The following SPAG16 variants were observed in gnomAD, a reference collection of about 807,000 sequenced individuals.
SPAG16 encodes the protein sperm-associated antigen 16 protein.
A neutral mutation model predicts 80.4 loss-of-function variants in SPAG16; 86 were observed. The observed-to-expected ratio is 1.07, with a 90% CI of 0.90 to 1.28. SPAG16 has a LOEUF of 1.28. Ranked by LOEUF, SPAG16 falls within the 50% of genes most tolerant of loss-of-function variation. The probability of loss-of-function intolerance (pLI) is 0.00; values close to 1 mark genes in which losing one functional copy is unlikely to be tolerated. For synonymous variants in SPAG16, 294 were observed against 265.9 expected (o/e 1.11, Z -1.03); for missense variants, 870 against 765.3 (o/e 1.14, Z -1.61).
chr2:214,322,003 G>A (rs918599858), intron 15 of SPAG16, among the ~76,000 whole-genome samples: 1 of 152,096 alleles, frequency 6.6e-6, no homozygotes, highest in South Asian at 2.1e-4. Context: ...TAACTTTTAA[G>A]TTTCAAAAGT....
intron 10 of SPAG16, among the ~76,000 whole-genome samples, chr2:213,714,950 C>T (rs747853213): frequency 1.6e-4 from 24 of 152,272 alleles, no homozygotes; most frequent in Middle Eastern, 3.4e-3. Flanking sequence ...GTTGCTTCTA[C>T]GGCTATAATT....
chr2:213,305,298 C>T (rs2062896052), intron 3 of SPAG16, among the ~76,000 whole-genome samples: 1 of 152,078 alleles, frequency 6.6e-6, no homozygotes, highest in Admixed American at 6.6e-5. Flanking sequence ...ATAGCATTTG[C>T]AAACAAGGAT....
chr2:213,996,859 C>A (rs1326723575), intron 12 of SPAG16, among the ~76,000 whole-genome samples: 1 of 152,112 alleles, frequency 6.6e-6, no homozygotes, highest in African/African-American at 2.4e-5. Flanking sequence ...TGAGCCGCCG[C>A]ACCCGGCCCT....
chr2:213,508,804 T>G (rs1454837010), intron 10 of SPAG16, among the ~76,000 whole-genome samples: 1 of 152,124 alleles, frequency 6.6e-6, no homozygotes, highest in South Asian at 2.1e-4. Flanking sequence ...CATTTGGAGA[T>G]ATACCTAATG....
chr2:213,352,740 T>C (rs2065402462), intron 7 of SPAG16, among the ~76,000 whole-genome samples: 1 of 152,050 alleles, frequency 6.6e-6, no homozygotes. Flanking sequence ...AATCATTTGA[T>C]CTATGAGTTA....
At chr2:213,935,221 A>C (rs981479935) in intron 12 of SPAG16, among the ~76,000 whole-genome samples, 8 of 147,034 alleles carry the variant, frequency 5.4e-5, no homozygotes, top group African/African-American at 1.5e-4. Flanking sequence ...AAAAAAAAAA[A>C]GACACTTCTA....
At chr2:213,375,255 T>G (rs528140123) in intron 9 of SPAG16, 136 bp downstream of exon 9, 1 of 594,848 alleles carries the variant, frequency 1.7e-6, no homozygotes, top group African/African-American at 1.9e-5. Flanking sequence ...GGTTTATACA[T>G]GGACAGTGGA....
rs529816929 is a variant in SPAG16 at position 213,690,071 on chromosome 2, CA to C, written c.1071-172413del. Among the ~76,000 whole-genome samples, 6 of 152,236 alleles carry C rather than the reference CA, an allele frequency of 3.9e-5. No individual in the cohort carries two copies. The East Asian group carries it at 1.2e-3, about 29-fold the overall frequency. ...TTTATTAATTTCTCCTTCAATCCAT[CA>C]CATTAAAAAAATTCTTCGATCACAG... is the stretch of plus-strand genomic sequence containing the variant. On this transcript the variant is annotated intron_variant, in intron 10 of 15. Transcript: ENST00000331683.
chr2:213,650,847 T>G (rs768735374), intron 10 of SPAG16, among the ~76,000 whole-genome samples: 5 of 152,200 alleles, frequency 3.3e-5, no homozygotes, highest in Non-Finnish European at 7.4e-5. Flanking sequence ...TTTGCCTATA[T>G]GTCCCCATCC....
At chr2:214,033,306 T>C (rs1346901817) in intron 13 of SPAG16, among the ~76,000 whole-genome samples, 1 of 152,164 alleles carries the variant, frequency 6.6e-6, no homozygotes, top group African/African-American at 2.4e-5. Context: ...TTTATAGTTT[T>C]GTGGTTGAAA....
chr2:214,008,917 C>T (rs1457755680), intron 12 of SPAG16, among the ~76,000 whole-genome samples: 1 of 152,118 alleles, frequency 6.6e-6, no homozygotes, highest in African/African-American at 2.4e-5. Context: ...TAGAACTCTA[C>T]TTTTGTTTTG....
At chr2:213,711,009 T>C (rs577824651) in intron 10 of SPAG16, among the ~76,000 whole-genome samples, 1 of 152,088 alleles carries the variant, frequency 6.6e-6, no homozygotes, top group African/African-American at 2.4e-5. Flanking sequence ...CGAAAACCTA[T>C]AGCAATTACC....
At chr2:213,883,873 T>C (rs2076449254) in intron 11 of SPAG16, among the ~76,000 whole-genome samples, 1 of 152,228 alleles carries the variant, frequency 6.6e-6, no homozygotes, top group Non-Finnish European at 1.5e-5. Flanking sequence ...TAGATCTTTC[T>C]CTGTCCATTT....
chr2:213,412,900 A>G (rs1210776820), intron 9 of SPAG16, among the ~76,000 whole-genome samples: 1 of 152,192 alleles, frequency 6.6e-6, no homozygotes, highest in Admixed American at 6.5e-5. Flanking sequence ...CTCATCCAAA[A>G]TGGGTTAGAA....
chr2:213,529,802 A>G (rs1289502225), intron 10 of SPAG16, among the ~76,000 whole-genome samples: 5 of 152,236 alleles, frequency 3.3e-5, no homozygotes, highest in Admixed American at 1.3e-4. Context: ...TGGAGCATGC[A>G]AACTGGAAGT....
chr2:213,439,766 A>G (rs1490289845), intron 9 of SPAG16, among the ~76,000 whole-genome samples: 1 of 152,250 alleles, frequency 6.6e-6, no homozygotes, highest in Non-Finnish European at 1.5e-5. Context: ...AAGAAATTGT[A>G]GATAAACTCA....
chr2:214,193,993 C>T (rs1365281116), intron 15 of SPAG16, among the ~76,000 whole-genome samples: 4 of 152,136 alleles, frequency 2.6e-5, no homozygotes, highest in African/African-American at 9.6e-5. Flanking sequence ...AATTGGTTGG[C>T]ATTCTTTAGA....
At chr2:213,833,452 TA>T (rs2073799200) in intron 10 of SPAG16, among the ~76,000 whole-genome samples, 2 of 922 alleles carry the variant, frequency 2.2e-3, no homozygotes, top group African/African-American at 2.4e-3. Context: ...TATATATATA[TA>T]TTATATATAT....
chr2:213,382,455 C>T (rs181557420), intron 9 of SPAG16, among the ~76,000 whole-genome samples: 27 of 152,166 alleles, frequency 1.8e-4, no homozygotes, highest in Admixed American at 1.6e-3. Context: ...GTACTGTGGC[C>T]CTCTGTTGGG....
Sources: gnomAD v4.1 joint callset for allele counts (sites outside exome capture counted in the v4.1 genomes callset) on GRCh38, gnomAD v4.1.1 for gene constraint, MANE v1.5 for transcripts, NCBI Gene and HGNC (gene_info 2026-07-23, HGNC 2026-07-21) for gene names.